OCA2: variants seen among roughly 807,000 people sequenced by gnomAD.
OCA2 encodes the protein P protein.
OCA2 carries 77 observed loss-of-function variants against 100.2 expected under a neutral mutation model. That is an observed-to-expected ratio of 0.77 (90% CI 0.64 to 0.93). OCA2 has a LOEUF of 0.93. Ranked by LOEUF, OCA2 falls within the 40% of genes least tolerant of loss-of-function variation. OCA2 has a pLI of 0.00. For synonymous variants in OCA2, 432 were observed against 439.2 expected, an observed-to-expected ratio of 0.98 and a Z score of 0.21; for missense variants, 1,062 against 1,089.1, an observed-to-expected ratio of 0.98 and a Z score of 0.35.
chr15:28,043,238 GT>G lies in OCA2; in HGVS notation c.228-11076del, dbSNP rs1262157868. ...ATTGTCCTTTCCCCTAAGGAAAGTA[GT>G]TTAAACAGCAAGTAGGCCCAGTGGT... On this transcript the variant is annotated intron_variant, in intron 2 of 23. Transcript: ENST00000354638. The surrounding 1 kb of genome is among the most constrained non-coding windows in gnomAD (Gnocchi z 4.4). 1.3e-5 allele frequency among the ~76,000 whole-genome samples: 2 copies of G among 152,184 alleles called. No homozygotes were observed. Among genetic ancestry groups the G allele is most frequent in the East Asian group, 3.8e-4 (2 of 5,196 alleles).
At chr15:28,061,438 G>C (rs2043869774) in intron 2 of OCA2, among the ~76,000 whole-genome samples, 2 of 152,164 alleles carry the variant, frequency 1.3e-5, no homozygotes, top group South Asian at 2.1e-4. Context: ...GAAGGGGGAA[G>C]AATCTGATTA....
chr15:28,016,307 G>C, intron 7 of OCA2, 121 bp from the exon 8 acceptor site: 1 of 803,848 alleles, frequency 1.2e-6, no homozygotes, highest in South Asian at 1.4e-5. Flanking sequence ...AGAAACAGGA[G>C]AGCATCTTTA....
intron 2 of OCA2, among the ~76,000 whole-genome samples, chr15:28,059,705 T>C (rs1431829283): frequency 6.7e-6 from 1 of 150,108 alleles, no homozygotes; most frequent in African/African-American, 2.5e-5. Flanking sequence ...TTCCATTTTA[T>C]TGACCCAAAA....
chr15:28,068,064 A>G (rs967872083), intron 2 of OCA2, among the ~76,000 whole-genome samples: 2 of 152,156 alleles, frequency 1.3e-5, no homozygotes, highest in Non-Finnish European at 2.9e-5. Flanking sequence ...GTTGGATTGT[A>G]TCCTTACTAT....
chr15:27,983,047 A>C lies in OCA2; in HGVS notation c.1503+298T>G, dbSNP rs568345567. Among the ~76,000 whole-genome samples the C allele has an allele frequency of 1.5e-4, 23 of 152,334 alleles. 1 individual carries two copies. In the South Asian group the frequency reaches 3.3e-3, roughly 22 times the overall value. The stretch of plus-strand genomic sequence containing the variant: ...CATTTTGTTTTTAATGTAGGTTGGA[A>C]GAAACCTCAGTTCCTATTAATACAA... On this transcript the variant is annotated intron_variant, in intron 14 of 23. Coordinates refer to ENST00000354638, the MANE Select transcript of OCA2 (RefSeq NM_000275.3).
intron 23 of OCA2, among the ~76,000 whole-genome samples, chr15:27,840,924 T>A (rs565782517): frequency 5.9e-5 from 9 of 152,300 alleles, no homozygotes; most frequent in African/African-American, 1.2e-4. Flanking sequence ...ACATTAAAAA[T>A]TTTTTTGACA....
chr15:28,015,365 T>A (rs897747748), intron 8 of OCA2, among the ~76,000 whole-genome samples: 10 of 152,034 alleles, frequency 6.6e-5, no homozygotes, highest in Admixed American at 6.5e-4. Context: ...CACTGAAGCG[T>A]TTTTTCAAGT....
intron 21 of OCA2, among the ~76,000 whole-genome samples, chr15:27,862,389 G>C (rs1347878915): frequency 6.6e-6 from 1 of 152,180 alleles, no homozygotes; most frequent in Non-Finnish European, 1.5e-5. Flanking sequence ...GGCACAAGAG[G>C]CATGCACAGT....
chr15:27,951,917 T>C, intron 17 of OCA2, 25 bp from the exon 18 acceptor site: 1 of 1,488,366 alleles, frequency 6.7e-7, no homozygotes, highest in South Asian at 1.1e-5. Flanking sequence ...CCACAGCTCA[T>C]TTACTCTGCA....
chr15:27,748,354 C>T, the OCA2 span, among the ~76,000 whole-genome samples: 1 of 152,240 alleles, frequency 6.6e-6, no homozygotes, highest in Admixed American at 6.5e-5. Context: ...AAGATCCCAT[C>T]ATCCTAGGGA....
chr15:27,960,674 G>A (rs909519507), intron 15 of OCA2, among the ~76,000 whole-genome samples: 2 of 152,052 alleles, frequency 1.3e-5, no homozygotes, highest in Non-Finnish European at 2.9e-5. Context: ...AGGCTGAGGC[G>A]AGCAGATCAC....
intron 2 of OCA2, among the ~76,000 whole-genome samples, chr15:28,039,805 C>T (rs1435265546): frequency 6.6e-6 from 1 of 152,122 alleles, no homozygotes; most frequent in Non-Finnish European, 1.5e-5. Flanking sequence ...GAGGCCAAGG[C>T]AGGTGGATCA....
the OCA2 span, among the ~76,000 whole-genome samples, chr15:27,731,619 A>G: frequency 6.6e-6 from 1 of 152,234 alleles, no homozygotes; most frequent in Non-Finnish European, 1.5e-5. Context: ...TTACAGAAAC[A>G]TTATACTTTC....
chr15:28,001,700 A>T (rs1396362387), intron 9 of OCA2, among the ~76,000 whole-genome samples: 1 of 152,234 alleles, frequency 6.6e-6, no homozygotes, highest in Admixed American at 6.5e-5. Context: ...GAAGGAAGAG[A>T]TGAAGGCACC....
intron 14 of OCA2, among the ~76,000 whole-genome samples, chr15:27,981,430 A>G (rs543367313): frequency 1.3e-5 from 2 of 152,324 alleles, no homozygotes; most frequent in South Asian, 4.1e-4. Context: ...ATATTTTTGT[A>G]TCACTCTAAA....
At chr15:27,929,716 G>GA (rs1251188737) in intron 18 of OCA2, among the ~76,000 whole-genome samples, 1 of 151,478 alleles carries the variant, frequency 6.6e-6, no homozygotes, top group Non-Finnish European at 1.5e-5. Flanking sequence ...CAAACTGGGA[G>GA]AAAATATTTC....
intron 23 of OCA2, among the ~76,000 whole-genome samples, chr15:27,787,285 A>T (rs997899101): frequency 1.3e-5 from 2 of 152,136 alleles, no homozygotes; most frequent in African/African-American, 4.8e-5. Context: ...GCATTAGAAC[A>T]GTACTAAAAA....
intron 9 of OCA2, among the ~76,000 whole-genome samples, chr15:28,011,248 T>C (rs547932806): frequency 6.6e-6 from 1 of 152,264 alleles, no homozygotes; most frequent in Non-Finnish European, 1.5e-5. Context: ...GAGAATCTCT[T>C]GAGGCCAGGA....
the OCA2 span, among the ~76,000 whole-genome samples, chr15:27,743,797 G>A: frequency 6.6e-5 from 10 of 152,132 alleles, no homozygotes; most frequent in Non-Finnish European, 1.0e-4. Context: ...AGAAGCTGAC[G>A]GCCCTTGGCT....
Sources: gnomAD v4.1 joint callset for allele counts (sites outside exome capture counted in the v4.1 genomes callset) on GRCh38, gnomAD v4.1.1 for gene constraint, Gnocchi (gnomAD v3.1) non-coding constraint, MANE v1.5 for transcripts, NCBI Gene and HGNC (gene_info 2026-07-23, HGNC 2026-07-21) for gene names.